PLPP1: variants seen among roughly 807,000 people sequenced by gnomAD.
PLPP1 encodes the protein phospholipid phosphatase 1.
A neutral mutation model predicts 31.2 loss-of-function variants in PLPP1; 24 were observed. The observed-to-expected ratio is 0.77, with a 90% CI of 0.56 to 1.08. The LOEUF (loss-of-function observed/expected upper bound fraction) is 1.08. PLPP1 is among the 50% of genes least tolerant of loss of function. The pLI is 0.00. For missense variants in PLPP1, 319 were observed against 342.7 expected, an observed-to-expected ratio of 0.93 and a Z score of 0.55; for synonymous variants, 146 against 126.3, an observed-to-expected ratio of 1.16 and a Z score of -1.05.
chr5:55,438,102 A>G (rs1375965038), intron 4 of PLPP1, among the ~76,000 whole-genome samples: 1 of 152,178 alleles, frequency 6.6e-6, no homozygotes, highest in Non-Finnish European at 1.5e-5. Flanking sequence ...GATATAAACA[A>G]TCTGGGGTTA....
At chr5:55,485,694 A>G (rs983530096) in intron 1 of PLPP1, among the ~76,000 whole-genome samples, 5 of 152,076 alleles carry the variant, frequency 3.3e-5, no homozygotes, top group Admixed American at 6.5e-5. Flanking sequence ...CAGAAAATAT[A>G]AGAGACCAAA....
intron 2 of PLPP1, among the ~76,000 whole-genome samples, chr5:55,471,858 C>A (rs1402217593): frequency 2.6e-5 from 4 of 152,176 alleles, no homozygotes; most frequent in Non-Finnish European, 5.9e-5. Flanking sequence ...GTGGCTTACA[C>A]CTATAATCCC....
At chr5:55,427,938 A>G (rs1005150795) in intron 4 of PLPP1, among the ~76,000 whole-genome samples, 3 of 151,912 alleles carry the variant, frequency 2.0e-5, no homozygotes. Context: ...GGCACTCACC[A>G]CCACTCCCAG....
At chr5:55,511,770 TCTC>T (rs1454165335) in intron 1 of PLPP1, among the ~76,000 whole-genome samples, 1 of 147,906 alleles carries the variant, frequency 6.8e-6, no homozygotes, top group Non-Finnish European at 1.5e-5. Flanking sequence ...TTGACGCCAT[TCTC>T]CTGCCTCAGC....
chr5:55,511,624 G>A (rs1470371731), intron 1 of PLPP1, among the ~76,000 whole-genome samples: 2 of 132,474 alleles, frequency 1.5e-5, no homozygotes, highest in African/African-American at 5.7e-5. Context: ...GGGCTCTTCA[G>A]ACTTTAGCGA....
rs1178247543 is a variant in PLPP1, at chr5:55,443,177, T to TAAAAAAAA, written c.492-1277_492-1270dup. Among the ~76,000 whole-genome samples, 63 of 51,006 alleles carry TAAAAAAAA rather than the reference T, an allele frequency of 1.2e-3. 2 individuals carry two copies. The highest frequency in any genetic ancestry group is 4.0e-3 in the African/African-American group (51 of 12,838). 33.5% of individuals were successfully genotyped at this position (51,006 alleles called of 152,430 possible). ...AGTGGGTGGGAAAGAAAGGATTACTTAAAAAAAAAAAAAAAATATATATAT... is the reference window on the plus strand; with the variant it reads ...AGTGGGTGGGAAAGAAAGGATTACTTAAAAAAAAAAAAAAAAAAAAAAAATATATATAT... On this transcript the variant is annotated intron_variant, in intron 3 of 5. Transcript: ENST00000307259.
intron 4 of PLPP1, among the ~76,000 whole-genome samples, chr5:55,430,206 T>C (rs1015954359): frequency 3.9e-5 from 6 of 152,176 alleles, no homozygotes; most frequent in Non-Finnish European, 1.5e-5. Context: ...CCACACCTGC[T>C]GTCTATGGGC....
At chr5:55,440,195 A>C (rs1181619501) in intron 4 of PLPP1, among the ~76,000 whole-genome samples, 2 of 152,218 alleles carry the variant, frequency 1.3e-5, no homozygotes, top group East Asian at 1.9e-4. Context: ...TAACACAGAC[A>C]GGTGAGCGAA....
intron 1 of PLPP1, among the ~76,000 whole-genome samples, chr5:55,511,337 T>C (rs980739045): frequency 1.3e-5 from 2 of 152,128 alleles, no homozygotes; most frequent in African/African-American, 4.8e-5. Flanking sequence ...GCAAATAACC[T>C]AAATATCCAA....
At chr5:55,490,144 C>CTTTTTTT (rs896241457) in intron 1 of PLPP1, among the ~76,000 whole-genome samples, 48 of 83,354 alleles carry the variant, frequency 5.8e-4, no homozygotes, top group South Asian at 1.4e-3. Flanking sequence ...CTTTTCTTTT[C>CTTTTTTT]TTTTTTTTTT....
chr5:55,466,817 TCAAA>T (rs36192188), intron 3 of PLPP1, among the ~76,000 whole-genome samples: 129,998 of 151,682 alleles, frequency 0.86, 56,136 homozygotes, highest in South Asian at 0.92. Context: ...TCTAAAAAAA[TCAAA>T]CAAACAAAGG....
chr5:55,454,055 C>T (rs1159264768), intron 3 of PLPP1, among the ~76,000 whole-genome samples: 1 of 152,126 alleles, frequency 6.6e-6, no homozygotes, highest in African/African-American at 2.4e-5. Flanking sequence ...ATTCTATTTC[C>T]CACTGCCTAT....
intron 3 of PLPP1, among the ~76,000 whole-genome samples, chr5:55,446,726 C>G (rs1473181794): frequency 1.3e-5 from 2 of 152,182 alleles, no homozygotes; most frequent in Non-Finnish European, 2.9e-5. Flanking sequence ...CTTTTCCTTC[C>G]TAAACCAAAT....
intron 3 of PLPP1, among the ~76,000 whole-genome samples, chr5:55,455,086 T>C (rs1579934568): frequency 6.6e-6 from 1 of 152,196 alleles, no homozygotes; most frequent in East Asian, 1.9e-4. Flanking sequence ...CAAGTAAGCA[T>C]CTGAAGAATA....
chr5:55,488,758 G>A (rs1752826762), intron 1 of PLPP1, among the ~76,000 whole-genome samples: 1 of 152,106 alleles, frequency 6.6e-6, no homozygotes, highest in Non-Finnish European at 1.5e-5. Flanking sequence ...AGAACTAAGG[G>A]CTATTTATTT....
In PLPP1 at chr5:55,467,928, G is replaced by A. The variant is rs778395447; in HGVS notation, c.432C>T (p.Ser144=). 12 of 1,614,006 alleles carry A rather than the reference G, an allele frequency of 7.4e-6. No homozygotes were observed. The highest frequency in any genetic ancestry group is 4.5e-5 in the East Asian group (2 of 44,876). ...ATATGTAGTATTCAATGTAACCATC[G>A]CTGCAGTTGATTTTTGACCAATCTG... The part of the protein sequence containing the change: ...CDPDWSKINC[S]DGYIEYYICR... Residue 144 remains serine (S), a synonymous_variant, in exon 3 of 6, where the codon AGC becomes AGT. Coordinates refer to ENST00000307259, the MANE Select transcript of PLPP1 (RefSeq NM_003711.4).
At chr5:55,465,423 T>C (rs1422687262) in intron 3 of PLPP1, among the ~76,000 whole-genome samples, 3 of 152,178 alleles carry the variant, frequency 2.0e-5, no homozygotes, top group Non-Finnish European at 1.5e-5. Context: ...AAGTTATAGA[T>C]GGAAGAAGAA....
At chr5:55,483,176 AAT>A in intron 1 of PLPP1, among the ~76,000 whole-genome samples, 1 of 152,270 alleles carries the variant, frequency 6.6e-6, no homozygotes, top group African/African-American at 2.4e-5. Flanking sequence ...AATATTTCTT[AAT>A]ATTTCTTAAA....
At position 55,490,144 on chromosome 5, in the gene PLPP1, C is replaced by CTTTT. The variant is rs896241457; in HGVS notation, c.59-14698_59-14695dup. Among the ~76,000 whole-genome samples, 146 of 83,358 alleles carry CTTTT rather than the reference C, an allele frequency of 1.8e-3. 2 individuals are homozygous for CTTTT. Among genetic ancestry groups the CTTTT allele is most frequent in the African/African-American group, 3.8e-3 (81 of 21,198 alleles). The allele number at this position is 83,358 out of a possible 152,430, so 54.7% of individuals were successfully genotyped here. ...AGTAAGAAATAGTGACTTTTCTTTT[C>CTTTT]TTTTTTTTTTTTTTTTTTTTTTTGA... On this transcript the variant is annotated intron_variant, in intron 1 of 5. Transcript: ENST00000307259.
Sources: gnomAD v4.1 joint callset for allele counts (sites outside exome capture counted in the v4.1 genomes callset) on GRCh38, gnomAD v4.1.1 for gene constraint, MANE v1.5 for transcripts, NCBI Gene and HGNC (gene_info 2026-07-23, HGNC 2026-07-21) for gene names.